The following WDFY3 variants were observed in gnomAD, a reference collection of about 807,000 sequenced individuals.
WDFY3 encodes the protein WD repeat and FYVE domain-containing protein 3.
Under a neutral mutation model 409.6 loss-of-function variants are expected in WDFY3, and 66 were observed. The observed-to-expected ratio is 0.16, with a 90% CI of 0.13 to 0.20. The LOEUF is 0.20. WDFY3 is among the 10% of genes least tolerant of loss of function. The probability of loss-of-function intolerance (pLI) is 1.00; values close to 1 mark genes in which losing one functional copy is unlikely to be tolerated. For missense variants in WDFY3, 3,031 were observed against 4,298.1 expected (o/e 0.71, Z 8.24); for synonymous variants, 1,521 against 1,537.1 (o/e 0.99, Z 0.25).
chr4:84,791,562 G>C (rs1026513731), intron 21 of WDFY3, among the ~76,000 whole-genome samples: 4 of 152,132 alleles, frequency 2.6e-5, no homozygotes, highest in Admixed American at 6.5e-5. Flanking sequence ...TTAACTTTTT[G>C]ACATTGATTT....
chr4:84,934,302 G>C (rs1280410965), intron 1 of WDFY3, among the ~76,000 whole-genome samples: 2 of 152,056 alleles, frequency 1.3e-5, no homozygotes, highest in Non-Finnish European at 1.5e-5. Flanking sequence ...ATGCATGTTT[G>C]TTTGCCATAT....
intron 27 of WDFY3, among the ~76,000 whole-genome samples, chr4:84,776,734 T>C (rs1173067283): frequency 1.3e-5 from 2 of 152,134 alleles, no homozygotes; most frequent in Non-Finnish European, 2.9e-5. Context: ...GCCTCAAAAA[T>C]ACTCAGCAAG....
chr4:84,852,724 C>T (rs1435513759), intron 4 of WDFY3, among the ~76,000 whole-genome samples: 2 of 151,856 alleles, frequency 1.3e-5, no homozygotes, highest in African/African-American at 4.8e-5. Flanking sequence ...ACCTATACTA[C>T]TTGTTAAATA....
intron 56 of WDFY3, among the ~76,000 whole-genome samples, chr4:84,699,713 G>C (rs190820624): frequency 1.3e-5 from 2 of 152,120 alleles, no homozygotes; most frequent in Non-Finnish European, 2.9e-5. Flanking sequence ...GCCAGCCCTT[G>C]TTGTTTTTCA....
At chr4:84,686,667 G>A in intron 62 of WDFY3, among the ~76,000 whole-genome samples, 1 of 152,160 alleles carries the variant, frequency 6.6e-6, no homozygotes, top group East Asian at 1.9e-4. Context: ...GTGAGGGTAA[G>A]GTGGCAATGG....
At chr4:84,710,609 T>C (rs1021027652) in intron 51 of WDFY3, among the ~76,000 whole-genome samples, 2 of 152,202 alleles carry the variant, frequency 1.3e-5, no homozygotes, top group Non-Finnish European at 2.9e-5. Flanking sequence ...ATGTACAAGA[T>C]ACTCTCTTTG....
intron 41 of WDFY3, 134 bp from the exon 42 acceptor site, chr4:84,736,461 C>A: frequency 1.3e-6 from 1 of 779,486 alleles, no homozygotes; most frequent in Non-Finnish European, 1.8e-6. Flanking sequence ...GCAGATATTA[C>A]ATTCAGATAT....
At chr4:84,762,619 A>T (rs1009067124) in intron 32 of WDFY3, among the ~76,000 whole-genome samples, 2 of 152,036 alleles carry the variant, frequency 1.3e-5, no homozygotes, top group African/African-American at 2.4e-5. Context: ...ATAATAATAA[A>T]AAAAAAAGTC....
At chr4:84,748,949 T>C (rs1247412154) in intron 36 of WDFY3, among the ~76,000 whole-genome samples, 1 of 151,854 alleles carries the variant, frequency 6.6e-6, no homozygotes, top group East Asian at 1.9e-4. Flanking sequence ...TGGAATGCAG[T>C]GGTGTAATTA....
intron 17 of WDFY3, among the ~76,000 whole-genome samples, chr4:84,799,338 A>ATT (rs11288011): frequency 5.2e-4 from 74 of 142,848 alleles, no homozygotes; most frequent in East Asian, 6.2e-4. Context: ...ATATATATAT[A>ATT]TTTTTTTTTT....
chr4:84,709,108 G>C (rs1732468715), intron 52 of WDFY3, 80 bp from the exon 53 acceptor site: 23 of 1,550,416 alleles, frequency 1.5e-5, no homozygotes, highest in Non-Finnish European at 1.9e-5. Context: ...TATACAAAAT[G>C]ATGTAAAGGA....
intron 9 of WDFY3, among the ~76,000 whole-genome samples, chr4:84,828,004 C>G (rs1755101443): frequency 1.4e-5 from 2 of 140,638 alleles, no homozygotes; most frequent in South Asian, 4.9e-4. Flanking sequence ...AGGAGGATCT[C>G]TTGAGTTAAA....
chr4:84,826,742 T>A, intron 10 of WDFY3, 73 bp downstream of exon 10: 2 of 1,440,792 alleles, frequency 1.4e-6, no homozygotes, highest in Non-Finnish European at 9.2e-7. Context: ...CAAAAAGTAA[T>A]ATACCAAAAT....
At chr4:84,766,498 T>G (rs1180883053) in intron 30 of WDFY3, 126 bp from the exon 31 acceptor site, 1 of 900,814 alleles carries the variant, frequency 1.1e-6, no homozygotes, top group African/African-American at 1.8e-5. Context: ...GGACTGCTTT[T>G]CACCAACATG....
intron 2 of WDFY3, among the ~76,000 whole-genome samples, chr4:84,930,531 A>C (rs149062063): frequency 5.6e-4 from 86 of 152,340 alleles, no homozygotes; most frequent in African/African-American, 2.0e-3. Flanking sequence ...GCCGGATCTG[A>C]ATAAATTGAG....
At chr4:84,702,260 A>T (rs921232219) in intron 56 of WDFY3, 93 bp downstream of exon 56, 9 of 1,316,432 alleles carry the variant, frequency 6.8e-6, no homozygotes, top group Non-Finnish European at 9.1e-6. Flanking sequence ...TTTCTTGTTA[A>T]TGTGTGCTGC....
intron 67 of WDFY3, among the ~76,000 whole-genome samples, chr4:84,675,276 C>T (rs939145376): frequency 2.0e-5 from 3 of 152,020 alleles, no homozygotes; most frequent in African/African-American, 4.8e-5. Context: ...TTTTATAGAG[C>T]AGGCCTTTCA....
chr4:84,930,787 G>T (rs541420373), intron 2 of WDFY3, among the ~76,000 whole-genome samples: 3 of 152,208 alleles, frequency 2.0e-5, no homozygotes, highest in Admixed American at 1.3e-4. Context: ...GCATTAAAAG[G>T]ATCAGAAGTT....
intron 58 of WDFY3, among the ~76,000 whole-genome samples, chr4:84,694,845 T>C (rs1056747388): frequency 1.3e-5 from 2 of 152,166 alleles, no homozygotes; most frequent in Admixed American, 6.5e-5. Flanking sequence ...TCAGACTGCA[T>C]TGTAAATGGT....
Sources: gnomAD v4.1 joint callset for allele counts (sites outside exome capture counted in the v4.1 genomes callset) on GRCh38, gnomAD v4.1.1 for gene constraint, MANE v1.5 for transcripts, NCBI Gene and HGNC (gene_info 2026-07-23, HGNC 2026-07-21) for gene names.